FLYWCH2: variants seen among roughly 807,000 people sequenced by gnomAD.
FLYWCH2 encodes FLYWCH family member 2.
In FLYWCH2, 2 loss-of-function variants were observed where a neutral mutation model predicts 6.0. That is an observed-to-expected ratio of 0.33 (90% CI 0.14 to 1.04). FLYWCH2 has a LOEUF of 1.04. FLYWCH2 is among the 50% of genes least tolerant of loss of function. The probability of loss-of-function intolerance (pLI) is 0.45; values close to 1 mark genes in which losing one functional copy is unlikely to be tolerated. For missense variants in FLYWCH2, 192 were observed against 183.4 expected (o/e 1.05, Z -0.27); for synonymous variants, 87 against 79.3 (o/e 1.10, Z -0.52).
intron 1 of FLYWCH2, among the ~76,000 whole-genome samples, chr16:2,892,277 C>A (rs1204060810): frequency 7.2e-6 from 1 of 139,520 alleles, no homozygotes; most frequent in South Asian, 2.3e-4. Context: ...GGTGGATCAC[C>A]TGAGGTCAGG....
At chr16:2,884,862 G>GA (rs2069680952) in intron 1 of FLYWCH2, among the ~76,000 whole-genome samples, 2 of 149,120 alleles carry the variant, frequency 1.3e-5, no homozygotes, top group African/African-American at 4.9e-5. Flanking sequence ...CGACAAGAGC[G>GA]ATACTCCGTC....
chr16:2,898,084 A>G (rs2069843577), intron 3 of FLYWCH2, among the ~76,000 whole-genome samples: 1 of 152,096 alleles, frequency 6.6e-6, no homozygotes, highest in African/African-American at 2.4e-5. Flanking sequence ...ACCCTGCCTC[A>G]CTGATGGAAA....
At chr16:2,884,638 G>A (rs1234131134) in intron 1 of FLYWCH2, among the ~76,000 whole-genome samples, 3 of 150,264 alleles carry the variant, frequency 2.0e-5, no homozygotes, top group African/African-American at 7.3e-5. Flanking sequence ...ACTTTGGGAG[G>A]CCAAGGAGGG....
intron 1 of FLYWCH2, among the ~76,000 whole-genome samples, chr16:2,886,607 C>T (rs1260899788): frequency 2.1e-5 from 3 of 146,270 alleles, no homozygotes; most frequent in South Asian, 4.3e-4. Flanking sequence ...CCGCAACCTC[C>T]GCCTCCTGGG....
intron 1 of FLYWCH2, among the ~76,000 whole-genome samples, chr16:2,885,051 G>A (rs1261933202): frequency 2.6e-5 from 4 of 152,042 alleles, no homozygotes; most frequent in African/African-American, 7.2e-5. Context: ...GGCCGGGCGC[G>A]GTGGCTCACG....
chr16:2,890,222 GTTTTTGTTTTTTTT>G (rs60945449), intron 1 of FLYWCH2, among the ~76,000 whole-genome samples: 3,081 of 107,646 alleles, frequency 0.029, 105 homozygotes, highest in African/African-American at 0.1. Context: ...GTGTTTTTTT[GTTTTTGTTTTTTTT>G]TTTTTGTTTT....
At position 2,899,259 on chromosome 16, in the gene FLYWCH2, A is replaced by G; in HGVS notation, c.*110A>G. On this transcript the variant is annotated 3_prime_UTR_variant, in exon 4 of 4. Transcript: ENST00000396958. ...GAATCTTTGCTTTTAACATTGTGTG[A>G]TTTCTTTTCTTTTTTTTTTTTTTTT... 1 of 463,620 alleles carries G rather than the reference A, an allele frequency of 2.2e-6. No homozygotes were observed. The allele number at this position is 463,620 out of a possible 1,614,324, so 28.7% of individuals were successfully genotyped here.
chr16:2,894,120 G>T (rs2069790919), intron 1 of FLYWCH2, among the ~76,000 whole-genome samples: 1 of 152,214 alleles, frequency 6.6e-6, no homozygotes, highest in African/African-American at 2.4e-5. Flanking sequence ...GAGGCGTGCA[G>T]TCTGGGGGTC....
chr16:2,899,268 CTTTTT>C lies in FLYWCH2; in HGVS notation c.*132_*136del, dbSNP rs76446842. 7.3e-5 allele frequency: 31 copies of C among 424,844 alleles called. No individual in the cohort carries two copies. Among genetic ancestry groups the C allele is most frequent in the South Asian group, 1.6e-4 (4 of 24,484 alleles). 26.3% of individuals were successfully genotyped at this position (424,844 alleles called of 1,614,324 possible). ...CTTTTAACATTGTGTGATTTCTTTT[CTTTTT>C]TTTTTTTTTTTTAGATCAAGTATAA... is the stretch of plus-strand genomic sequence containing the variant. On this transcript the variant is annotated 3_prime_UTR_variant, in exon 4 of 4. Coordinates refer to ENST00000396958, the MANE Select transcript of FLYWCH2 (RefSeq NM_138439.3).
rs539162220 is a variant in FLYWCH2 at position 2,891,566 on chromosome 16, G to A, written c.-199-3654G>A. Among the ~76,000 whole-genome samples the A allele has an allele frequency of 1.8e-4, 27 of 152,078 alleles. No homozygotes were observed. The Middle Eastern group carries it at 0.01, about 57-fold the overall frequency. The stretch of plus-strand genomic sequence containing the variant: ...ACTACAGGCGCCCGCCACCACGCCC[G>A]TCTAATTTTTTTGTATTTTTAGTAG... On this transcript the variant is annotated intron_variant, in intron 1 of 3. Coordinates refer to ENST00000396958, the MANE Select transcript of FLYWCH2 (RefSeq NM_138439.3).
At chr16:2,886,173 T>C (rs2069695811) in intron 1 of FLYWCH2, among the ~76,000 whole-genome samples, 1 of 152,022 alleles carries the variant, frequency 6.6e-6, no homozygotes, top group African/African-American at 2.4e-5. Flanking sequence ...CCCATTATTA[T>C]TATTATTGTT....
intron 1 of FLYWCH2, among the ~76,000 whole-genome samples, chr16:2,889,580 A>C (rs1250258650): frequency 6.6e-6 from 1 of 152,108 alleles, no homozygotes; most frequent in African/African-American, 2.4e-5. Flanking sequence ...GAAAAAGAGC[A>C]AAGTTGCTTA....
At position 2,896,475 on chromosome 16, in the gene FLYWCH2, A is replaced by C. The variant is rs762626220; in HGVS notation, c.26A>C (p.Gln9Pro). The change falls in exon 3 of 4, where the codon CAG (glutamine) becomes CCG (proline). Residue 9 changes from glutamine to proline, a missense_variant. By Grantham distance (76) the Gln-to-Pro change is moderately conservative. Coordinates refer to ENST00000396958, the MANE Select transcript of FLYWCH2 (RefSeq NM_138439.3). The part of the protein sequence containing the change: MPLPEPSE[Q>P]EGESVKASQE... ...ATGCCCCTGCCCGAGCCCAGCGAGCAGGAGGGTGAGAGTGTGAAGGCCAGC... is the reference window on the plus strand; with the variant it reads ...ATGCCCCTGCCCGAGCCCAGCGAGCCGGAGGGTGAGAGTGTGAAGGCCAGC... 5.6e-6 allele frequency: 9 copies of C among 1,613,556 alleles called. No homozygotes were observed. Among genetic ancestry groups the C allele is most frequent in the Admixed American group, 1.7e-5 (1 of 59,994 alleles).
intron 1 of FLYWCH2, among the ~76,000 whole-genome samples, chr16:2,888,855 A>G (rs1329878667): frequency 1.3e-5 from 2 of 152,152 alleles, no homozygotes; most frequent in Non-Finnish European, 2.9e-5. Flanking sequence ...TAGAGCAAAT[A>G]TCATGGTTTT....
chr16:2,898,876 T>C (rs1437587306), intron 3 of FLYWCH2, 173 bp from the exon 4 acceptor site: 1 of 498,646 alleles, frequency 2.0e-6, no homozygotes, highest in Non-Finnish European at 3.5e-6. Context: ...CCTGGCCTGG[T>C]GGCCTTGGGA....
At chr16:2,887,317 T>C (rs1034151974) in intron 1 of FLYWCH2, among the ~76,000 whole-genome samples, 7 of 147,164 alleles carry the variant, frequency 4.8e-5, no homozygotes, top group African/African-American at 1.5e-4. Context: ...GGCTTTCTTT[T>C]TTTTTTTTTT....
chr16:2,887,308 GCTTT>G (rs757381519), intron 1 of FLYWCH2, among the ~76,000 whole-genome samples: 749 of 65,952 alleles, frequency 0.011, 8 homozygotes, highest in Non-Finnish European at 0.019. Flanking sequence ...ACCATGCCCG[GCTTT>G]CTTTTTTTTT....
At chr16:2,896,293 C>G in intron 2 of FLYWCH2, 59 bp from the exon 3 acceptor site, 1 of 948,770 alleles carries the variant, frequency 1.1e-6, no homozygotes, top group Non-Finnish European at 1.5e-6. Flanking sequence ...CCTCCCAGAT[C>G]CACGTCTAGA....
chr16:2,890,581 AT>A (rs1312928578), intron 1 of FLYWCH2, among the ~76,000 whole-genome samples: 250 of 123,024 alleles, frequency 2.0e-3, no homozygotes, highest in Non-Finnish European at 2.0e-3. Context: ...CGCCCGGCCA[AT>A]TTTTTTTTTT....
Sources: allele counts gnomAD v4.1 joint callset (sites outside exome capture counted in the v4.1 genomes callset), GRCh38; gene constraint gnomAD v4.1.1; transcripts MANE v1.5; gene names NCBI Gene and HGNC (gene_info 2026-07-23, HGNC 2026-07-21).